The following TEX10 variants were observed in gnomAD, a reference collection of about 807,000 sequenced individuals.
TEX10 encodes testis expressed 10.
In TEX10, 24 loss-of-function variants were observed where a neutral mutation model predicts 104.4. The ratio of observed to expected loss-of-function variants is 0.23; its 90% confidence interval spans 0.17 to 0.32. The LOEUF is 0.32. TEX10 is among the 10% of genes least tolerant of loss of function. TEX10 has a pLI of 1.00. For synonymous variants in TEX10, 396 were observed against 393.4 expected (o/e 1.01, Z -0.08); for missense variants, 921 against 1,083.9 (o/e 0.85, Z 2.11).
chr9:100,329,105 A>C, intron 7 of TEX10, 35 bp downstream of exon 7: 1 of 1,560,618 alleles, frequency 6.4e-7, no homozygotes, highest in Non-Finnish European at 8.6e-7. Flanking sequence ...AAACTCAGCA[A>C]GAGAAAAAAG....
chr9:100,338,816 TG>T (rs1257515658), intron 5 of TEX10, among the ~76,000 whole-genome samples: 2 of 147,190 alleles, frequency 1.4e-5, no homozygotes, highest in Non-Finnish European at 3.0e-5. Flanking sequence ...CGCTTGAACC[TG>T]GGAGATGGAG....
chr9:100,334,784 G>C (rs1228825816), intron 5 of TEX10, among the ~76,000 whole-genome samples: 1 of 151,610 alleles, frequency 6.6e-6, no homozygotes, highest in East Asian at 1.9e-4. Context: ...CCCACCTCAG[G>C]CTCCCAAGTA....
chr9:100,319,603 G>A (rs1008701502), intron 11 of TEX10, among the ~76,000 whole-genome samples: 13 of 152,022 alleles, frequency 8.6e-5, no homozygotes, highest in African/African-American at 2.7e-4. Flanking sequence ...TCAGGAGTTC[G>A]AGACCAGCCT....
intron 5 of TEX10, among the ~76,000 whole-genome samples, chr9:100,333,968 GA>G (rs1208522125): frequency 1.3e-5 from 2 of 151,980 alleles, no homozygotes; most frequent in African/African-American, 4.8e-5. Context: ...GACTACAACT[GA>G]ATACAACTAA....
chr9:100,314,582 TTTC>T (rs1163980510), intron 11 of TEX10, among the ~76,000 whole-genome samples: 1 of 152,186 alleles, frequency 6.6e-6, no homozygotes, highest in Non-Finnish European at 1.5e-5. Flanking sequence ...CTCCTTTTCA[TTTC>T]TTTTTTTGTC....
chr9:100,348,250 A>AT (rs1835351270), intron 2 of TEX10, among the ~76,000 whole-genome samples: 1 of 152,244 alleles, frequency 6.6e-6, no homozygotes, highest in South Asian at 2.1e-4. Context: ...TAGATTAGTG[A>AT]TTGCCTAGGG....
Position 100,302,171 on chromosome 9 carries a change from C to CA in TEX10, c.*19dup. 1 of 1,406,544 alleles carries CA rather than the reference C, an allele frequency of 7.1e-7. No individual in the cohort carries two copies. 87.1% of individuals were successfully genotyped at this position (1,406,544 alleles called of 1,614,324 possible). A position where few individuals can be genotyped will look rare whatever the true frequency, so the allele number is the denominator to read the frequency against. On this transcript the variant is annotated 3_prime_UTR_variant, in exon 15 of 15. Coordinates refer to ENST00000374902, the MANE Select transcript of TEX10 (RefSeq NM_017746.4). ...ATAGATGTGAATAAACAACTTCAAA[C>CA]AGGAGGTACTATGGCCTCTTCAATA... is the stretch of plus-strand genomic sequence containing the variant.
intron 4 of TEX10, among the ~76,000 whole-genome samples, chr9:100,344,560 A>C (rs1004476242): frequency 1.3e-5 from 2 of 152,190 alleles, no homozygotes; most frequent in African/African-American, 4.8e-5. Flanking sequence ...AAATGAAAAA[A>C]CTAGGCCAGG....
intron 8 of TEX10, 101 bp downstream of exon 8, chr9:100,327,686 A>C: frequency 1.1e-6 from 1 of 881,460 alleles, no homozygotes; most frequent in Non-Finnish European, 1.6e-6. Context: ...ACTAATTCAG[A>C]CTAAGGGAAA....
At chr9:100,309,409 C>G (rs1440967607) in intron 12 of TEX10, among the ~76,000 whole-genome samples, 1 of 152,188 alleles carries the variant, frequency 6.6e-6, no homozygotes, top group Non-Finnish European at 1.5e-5. Flanking sequence ...ATGTCTTAAC[C>G]TCCTCCACAG....
chr9:100,352,359 G>GGAC, intron 1 of TEX10: 1 of 1,551,410 alleles, frequency 6.4e-7, no homozygotes, highest in South Asian at 1.2e-5. Context: ...ACGGAACAGG[G>GGAC]GACGCCAGCT....
intron 10 of TEX10, among the ~76,000 whole-genome samples, 182 bp from the exon 11 acceptor site, chr9:100,320,580 A>G (rs1457327776): frequency 6.6e-6 from 1 of 152,234 alleles, no homozygotes; most frequent in Non-Finnish European, 1.5e-5. Flanking sequence ...GAAGACAGTT[A>G]AATTCATATA....
intron 9 of TEX10, among the ~76,000 whole-genome samples, chr9:100,322,973 T>C (rs1016944258): frequency 2.0e-5 from 3 of 152,056 alleles, no homozygotes; most frequent in Non-Finnish European, 4.4e-5. Context: ...TCTTCTTGAG[T>C]GTCATTCCCA....
chr9:100,310,320 T>C lies in TEX10; in HGVS notation c.2262A>G (p.Gln754=), dbSNP rs1588164617. The C allele has an allele frequency of 6.2e-7, 1 of 1,614,134 alleles. No individual in the cohort carries two copies. Among genetic ancestry groups the C allele is most frequent in the Non-Finnish European group, 8.5e-7 (1 of 1,180,000 alleles). ...PARSQNFDIL[Q]SAISKHLVGL... ...TTACCAAATGCTTACTGATGGCACT[T>C]TGCAAGATGTCAAAGTTCTGACTTC... Residue 754 remains glutamine, a synonymous_variant, in exon 12 of 15, where the codon CAA becomes CAG. Transcript: ENST00000374902.
chr9:100,324,718 C>T (rs936297311), intron 9 of TEX10, among the ~76,000 whole-genome samples: 19 of 152,060 alleles, frequency 1.2e-4, no homozygotes, highest in African/African-American at 4.1e-4. Context: ...AATGCATCTT[C>T]CAAGGAGAAT....
chr9:100,340,844 C>T (rs1017704475), intron 4 of TEX10, among the ~76,000 whole-genome samples: 4 of 152,136 alleles, frequency 2.6e-5, no homozygotes, highest in African/African-American at 7.2e-5. Flanking sequence ...TTTCTAATTC[C>T]AAATTAGAAT....
intron 11 of TEX10, 45 bp from the exon 12 acceptor site, chr9:100,310,424 G>A: frequency 6.5e-7 from 1 of 1,528,272 alleles, no homozygotes; most frequent in East Asian, 2.3e-5. Flanking sequence ...GAACATTTTA[G>A]ATCAGAAACA....
Position 100,308,604 on chromosome 9 carries a change from A to C in TEX10, c.2361T>G (p.Cys787Trp). The part of the protein sequence containing the change: ...GVICKLLDHT[C>W]VVSETLLPFL... ...ATGGCAGTAGAGTCTCACTAACTAC[A>C]CAAGTATGATCCAGGAGCTTACAGA... The change falls in exon 13 of 15, where the codon TGT (cysteine) becomes TGG (tryptophan). Residue 787 changes from cysteine (C) to tryptophan (W), a missense_variant. Cys to Trp is a radical substitution (Grantham distance 215, BLOSUM62 -2). This residue lies in a region of TEX10 where 753 missense variants were observed against 868.4 expected (regional missense o/e 0.87). Coordinates refer to ENST00000374902, the MANE Select transcript of TEX10 (RefSeq NM_017746.4). 6.2e-7 allele frequency: 1 copy of C among 1,613,404 alleles called. No homozygotes were observed. The highest frequency in any genetic ancestry group is 8.5e-7 in the Non-Finnish European group (1 of 1,179,596).
At chr9:100,313,066 T>G (rs1163587085) in intron 11 of TEX10, among the ~76,000 whole-genome samples, 1 of 152,174 alleles carries the variant, frequency 6.6e-6, no homozygotes, top group African/African-American at 2.4e-5. Flanking sequence ...AGGTTGTAAC[T>G]TGAACCTAGA....
Sources: allele counts gnomAD v4.1 joint callset (sites outside exome capture counted in the v4.1 genomes callset), GRCh38; gene constraint gnomAD v4.1.1; regional missense constraint gnomAD v4.1.1; transcripts MANE v1.5; gene names NCBI Gene and HGNC (gene_info 2026-07-23, HGNC 2026-07-21).